Variants in DOCK1 observed in about 807,000 individuals in gnomAD.
DOCK1 encodes dedicator of cytokinesis 1, also known as dedicator of cytokinesis protein 1.
DOCK1 carries 138 observed loss-of-function variants against 262.7 expected under a neutral mutation model. That is an observed-to-expected ratio of 0.53 (90% CI 0.46 to 0.61). The LOEUF (loss-of-function observed/expected upper bound fraction) is 0.61. Ranked by LOEUF, DOCK1 falls within the 20% of genes least tolerant of loss-of-function variation. The probability of loss-of-function intolerance (pLI) is 0.00; values close to 1 mark genes in which losing one functional copy is unlikely to be tolerated. For missense variants in DOCK1, 1,908 were observed against 2,370.7 expected (o/e 0.80, Z 4.05); for synonymous variants, 866 against 867.4 (o/e 1.00, Z 0.03).
intron 11 of DOCK1, among the ~76,000 whole-genome samples, chr10:127,009,157 C>T (rs1269667604): frequency 6.6e-6 from 1 of 152,152 alleles, no homozygotes; most frequent in East Asian, 1.9e-4. Flanking sequence ...CCAAATTCAT[C>T]ATAGGAGGTT....
intron 18 of DOCK1, among the ~76,000 whole-genome samples, chr10:127,032,598 G>C (rs1168001247): frequency 6.6e-6 from 1 of 151,782 alleles, no homozygotes; most frequent in Non-Finnish European, 1.5e-5. Context: ...CTGTTGCCCA[G>C]GCTGGAGTGC....
chr10:127,318,136 G>A (rs1269269459), intron 29 of DOCK1, among the ~76,000 whole-genome samples: 4 of 152,154 alleles, frequency 2.6e-5, no homozygotes, highest in Admixed American at 1.3e-4. Flanking sequence ...AAGTGAAAAT[G>A]ATACATATAC....
At position 127,286,472 on chromosome 10, in the gene DOCK1, G is replaced by A. The variant is rs61167548; in HGVS notation, c.3044+29043G>A. Among the ~76,000 whole-genome samples the A allele has an allele frequency of 5.3e-3, 801 of 152,000 alleles. 7 individuals are homozygous for A. Among genetic ancestry groups the A allele is most frequent in the African/African-American group, 0.018 (751 of 41,440 alleles). ...TTTTATTATCAAAACTTTCATACAT[G>A]TACAGAAGTAGAATAGTAGTTATAC... is the stretch of plus-strand genomic sequence containing the variant. On this transcript the variant is annotated intron_variant, in intron 29 of 51. Coordinates refer to ENST00000623213, the MANE Select transcript of DOCK1 (RefSeq NM_001290223.2).
At chr10:127,310,268 C>T (rs2062017960) in intron 29 of DOCK1, among the ~76,000 whole-genome samples, 1 of 151,162 alleles carries the variant, frequency 6.6e-6, no homozygotes, top group Non-Finnish European at 1.5e-5. Context: ...CCACCCCACC[C>T]CCTTACCCCC....
intron 1 of DOCK1, among the ~76,000 whole-genome samples, chr10:126,946,619 T>C (rs1463612408): frequency 6.6e-6 from 1 of 152,152 alleles, no homozygotes; most frequent in Non-Finnish European, 1.5e-5. Context: ...ATATTTTCTG[T>C]CTCTGAATTT....
At position 127,200,683 on chromosome 10, in the gene DOCK1, C is replaced by T. The variant is rs574947293; in HGVS notation, c.2848-47325C>T. ...CCTCCCAAAGTGCTAAGATTACAGG[C>T]GTGAGCCACTGCGCCCGATATTATT... On this transcript the variant is annotated intron_variant, in intron 27 of 51. Coordinates refer to ENST00000623213, the MANE Select transcript of DOCK1 (RefSeq NM_001290223.2). Among the ~76,000 whole-genome samples the T allele has an allele frequency of 2.1e-4, 32 of 152,282 alleles. No homozygotes were observed. The South Asian group carries it at 6.4e-3, about 31-fold the overall frequency.
At chr10:127,154,357 C>T (rs758753210) in intron 27 of DOCK1, among the ~76,000 whole-genome samples, 11 of 152,290 alleles carry the variant, frequency 7.2e-5, no homozygotes, top group Admixed American at 2.0e-4. Flanking sequence ...CAAATCCCGC[C>T]GGGGCCTGGT....
chr10:126,953,496 GC>G (rs1176166306), intron 1 of DOCK1, among the ~76,000 whole-genome samples: 1 of 151,874 alleles, frequency 6.6e-6, no homozygotes, highest in African/African-American at 2.4e-5. Flanking sequence ...ATTATTGATA[GC>G]AGTTTTGGTA....
chr10:127,078,258 T>C (rs924790195), intron 23 of DOCK1, among the ~76,000 whole-genome samples: 7 of 152,186 alleles, frequency 4.6e-5, no homozygotes, highest in African/African-American at 1.4e-4. Context: ...TTTTATCTTA[T>C]AGAATTTTTT....
intron 1 of DOCK1, among the ~76,000 whole-genome samples, chr10:126,927,657 G>A (rs1387942412): frequency 6.6e-6 from 1 of 152,076 alleles, no homozygotes; most frequent in Non-Finnish European, 1.5e-5. Flanking sequence ...TGCTGGCCTC[G>A]AACTCCTGAC....
intron 6 of DOCK1, 67 bp downstream of exon 6, chr10:126,990,670 C>A: frequency 6.6e-7 from 1 of 1,517,050 alleles, no homozygotes; most frequent in Non-Finnish European, 8.9e-7. Context: ...TATAAGTCTT[C>A]AGGAGACCAA....
chr10:127,177,570 C>G (rs2055286999), intron 27 of DOCK1, among the ~76,000 whole-genome samples: 1 of 152,198 alleles, frequency 6.6e-6, no homozygotes, highest in Non-Finnish European at 1.5e-5. Flanking sequence ...GTGGCTGGAG[C>G]TGAGTGCCCA....
At chr10:126,915,280 A>C (rs2032327766) in intron 1 of DOCK1, among the ~76,000 whole-genome samples, 1 of 152,172 alleles carries the variant, frequency 6.6e-6, no homozygotes, top group Admixed American at 6.5e-5. Flanking sequence ...TGTCCCTATA[A>C]AGACGGAAGT....
chr10:127,222,092 A>C (rs1189889029), intron 27 of DOCK1, among the ~76,000 whole-genome samples: 1 of 152,200 alleles, frequency 6.6e-6, no homozygotes, highest in Non-Finnish European at 1.5e-5. Context: ...AGGGAGATGC[A>C]GTTTTAATAG....
intron 21 of DOCK1, among the ~76,000 whole-genome samples, chr10:127,052,139 C>T (rs1004925911): frequency 1.3e-5 from 2 of 152,150 alleles, no homozygotes; most frequent in Non-Finnish European, 2.9e-5. Context: ...ATGCATTTCA[C>T]CTGCTTAGAA....
At chr10:127,282,824 G>A (rs1292071288) in intron 29 of DOCK1, among the ~76,000 whole-genome samples, 1 of 152,236 alleles carries the variant, frequency 6.6e-6, no homozygotes, top group Non-Finnish European at 1.5e-5. Context: ...CTTAGTGGCA[G>A]CCTTTATTTT....
intron 37 of DOCK1, among the ~76,000 whole-genome samples, chr10:127,383,644 A>T (rs529856794): frequency 2.6e-5 from 4 of 152,266 alleles, no homozygotes; most frequent in African/African-American, 9.6e-5. Flanking sequence ...TGGTTTCAGG[A>T]AAGTGGGGCG....
At chr10:127,112,013 A>AT (rs759300995) in intron 25 of DOCK1, among the ~76,000 whole-genome samples, 1,973 of 141,860 alleles carry the variant, frequency 0.014, 11 homozygotes, top group Middle Eastern at 0.022. Flanking sequence ...ATTCAATTAG[A>AT]TTTTTTTTTT....
intron 10 of DOCK1, among the ~76,000 whole-genome samples, chr10:127,004,769 G>GCCCCC (rs1285670669): frequency 6.3e-4 from 9 of 14,270 alleles, no homozygotes; most frequent in Non-Finnish European, 1.0e-3. Context: ...CCCCTGCCCC[G>GCCCCC]CCACCCCCCC....
Sources: allele counts gnomAD v4.1 joint callset (sites outside exome capture counted in the v4.1 genomes callset), GRCh38; gene constraint gnomAD v4.1.1; transcripts MANE v1.5; gene names NCBI Gene and HGNC (gene_info 2026-07-23, HGNC 2026-07-21).